The following JADE1 variants were observed in gnomAD, a reference collection of about 807,000 sequenced individuals.
The protein encoded by JADE1 is jade family PHD finger 1.
A neutral mutation model predicts 81.8 loss-of-function variants in JADE1; 14 were observed. That is an observed-to-expected ratio of 0.17 (90% CI 0.11 to 0.27). The LOEUF (loss-of-function observed/expected upper bound fraction) is 0.27. JADE1 is among the 10% of genes least tolerant of loss of function. JADE1 has a pLI of 1.00. For synonymous variants in JADE1, 353 were observed against 391.9 expected, an observed-to-expected ratio of 0.90 and a Z score of 1.17; for missense variants, 690 against 1,047.9, an observed-to-expected ratio of 0.66 and a Z score of 4.71.
chr4:128,851,471 A>G (rs751050123), intron 5 of JADE1, among the ~76,000 whole-genome samples: 1 of 152,218 alleles, frequency 6.6e-6, no homozygotes, highest in East Asian at 1.9e-4. Context: ...TCAACAATGT[A>G]TGTATTTAAT....
chr4:128,846,458 T>A lies in JADE1; in HGVS notation c.222T>A (p.Asp74Glu). 1 of 1,614,176 alleles carries A rather than the reference T, an allele frequency of 6.2e-7. No individual in the cohort carries two copies. The highest frequency in any genetic ancestry group is 8.5e-7 in the Non-Finnish European group (1 of 1,180,030). The change falls in exon 4 of 11, where the codon GAT becomes GAA. Residue 74 changes from aspartate to glutamate, a missense_variant. Asp to Glu is a conservative substitution (Grantham distance 45). Transcript: ENST00000226319. This position sits in a 1 kb window ranked among gnomAD's most constrained non-coding sequence, Gnocchi z 4.0. Reference protein sequence around the residue: ...LNPDEYYVLADPWRQEWEKGV... With the variant: ...LNPDEYYVLAEPWRQEWEKGV... ...CGGATGAGTACTATGTGTTGGCAGA[T>A]CCCTGGAGACAGGAATGGGAGAAAG...
At chr4:128,810,965 T>C (rs2125773263) in intron 1 of JADE1, among the ~76,000 whole-genome samples, 1 of 152,080 alleles carries the variant, frequency 6.6e-6, no homozygotes, top group Admixed American at 6.5e-5. Flanking sequence ...GGGGGTGGGG[T>C]CTCTTGGTCT....
rs1272948941 is a variant in JADE1 at position 128,863,407 on chromosome 4, CAG to C, written c.1503+1183_1503+1184del. The C allele has an allele frequency of 6.1e-6, 6 of 985,496 alleles. No homozygotes were observed. In the Admixed American group the frequency reaches 1.8e-4, roughly 30 times the overall value. The allele number at this position is 985,496 out of a possible 1,614,324, so 61.0% of individuals were successfully genotyped here. On this transcript the variant is annotated intron_variant, in intron 9 of 10. Transcript: ENST00000226319. Reference sequence around the variant, plus strand: ...TGAAAGGTACCCAAGTGGCCTGAAACAGTGTAGGGAAAGACCTGGGAAACACT... The same window carrying C: ...TGAAAGGTACCCAAGTGGCCTGAAACTGTAGGGAAAGACCTGGGAAACACT...
intron 1 of JADE1, among the ~76,000 whole-genome samples, chr4:128,826,536 T>TG (rs1260233949): frequency 6.6e-6 from 1 of 151,408 alleles, no homozygotes; most frequent in African/African-American, 2.4e-5. Context: ...TTTTGTGTTT[T>TG]TTTTTTTTTT....
chr4:128,817,899 A>T (rs140867698), intron 1 of JADE1, among the ~76,000 whole-genome samples: 54 of 152,332 alleles, frequency 3.5e-4, no homozygotes, highest in South Asian at 2.1e-3. Context: ...CATGTATTGT[A>T]GTTAAAATGC....
chr4:128,838,694 C>T (rs1369120824), intron 2 of JADE1, among the ~76,000 whole-genome samples: 3 of 152,102 alleles, frequency 2.0e-5, no homozygotes, highest in Non-Finnish European at 2.9e-5. Context: ...GTCCCACCCC[C>T]AATATTTTCC....
intron 4 of JADE1, among the ~76,000 whole-genome samples, chr4:128,848,272 G>A (rs1372992511): frequency 6.6e-6 from 1 of 152,096 alleles, no homozygotes; most frequent in Non-Finnish European, 1.5e-5. Context: ...TCCGCCTCCT[G>A]GGTTCAAGCA....
intron 1 of JADE1, chr4:128,816,409 A>T (rs964258229): frequency 6.6e-6 from 1 of 152,228 alleles, no homozygotes; most frequent in Non-Finnish European, 1.5e-5. Flanking sequence ...CTCCTAATAA[A>T]TGCAAGAAAA....
chr4:128,864,619 A>G (rs970975017), intron 9 of JADE1: 2 of 984,894 alleles, frequency 2.0e-6, no homozygotes, highest in African/African-American at 1.7e-5. Flanking sequence ...TAAAAAACCA[A>G]TCATTACTAC....
At position 128,826,733 on chromosome 4, in the gene JADE1, A is replaced by G. The variant is rs972920321; in HGVS notation, c.-26-5000A>G. ...ATGTTTATTTCATATTTGACTTGAG[A>G]GAATCTGTTCTCCAGAAATTACTGT... On this transcript the variant is annotated intron_variant, in intron 1 of 10. Transcript: ENST00000226319. Among the ~76,000 whole-genome samples the G allele has an allele frequency of 3.3e-5, 5 of 152,136 alleles. No individual in the cohort carries two copies. The East Asian group carries it at 5.8e-4, about 18-fold the overall frequency.
chr4:128,860,280 C>A (rs1164168309), intron 8 of JADE1, among the ~76,000 whole-genome samples: 7 of 152,054 alleles, frequency 4.6e-5, no homozygotes, highest in African/African-American at 1.7e-4. Flanking sequence ...AGAGAAAATA[C>A]AGATTTATGT....
Position 128,849,300 on chromosome 4 carries a change from C to T in JADE1, c.484+133C>T, listed in dbSNP as rs1167882763. The T allele has an allele frequency of 9.9e-6, 7 of 709,494 alleles. No individual in the cohort carries two copies. The Admixed American group carries it at 1.2e-4, about 12-fold the overall frequency. The allele number at this position is 709,494 out of a possible 1,614,324, so 43.9% of individuals were successfully genotyped here. A position where few individuals can be genotyped will look rare whatever the true frequency, so the allele number is the denominator to read the frequency against. On this transcript the variant is annotated intron_variant, in intron 5 of 10. Transcript: ENST00000226319. Reference sequence around the variant, plus strand: ...CATCATAGCTTTAGTCAGTGAGAATCGCAGCCCTGCCTTAGATCTCAGCCT... The same window carrying T: ...CATCATAGCTTTAGTCAGTGAGAATTGCAGCCCTGCCTTAGATCTCAGCCT...
At chr4:128,867,291 A>G (rs1446542467) in intron 9 of JADE1, among the ~76,000 whole-genome samples, 1 of 152,236 alleles carries the variant, frequency 6.6e-6, no homozygotes, top group Non-Finnish European at 1.5e-5. Flanking sequence ...TGCAGTTGAC[A>G]AAGACATTTA....
intron 8 of JADE1, among the ~76,000 whole-genome samples, chr4:128,861,487 A>G (rs1004864495): frequency 6.6e-6 from 1 of 152,114 alleles, no homozygotes; most frequent in Admixed American, 6.5e-5. Flanking sequence ...CAACATAGGG[A>G]GACCTCATCT....
chr4:128,834,235 G>T (rs1301232520), intron 2 of JADE1, among the ~76,000 whole-genome samples: 2 of 152,214 alleles, frequency 1.3e-5, no homozygotes, highest in Non-Finnish European at 2.9e-5. Flanking sequence ...GAGACTGGAA[G>T]TCCAAGGTAC....
intron 1 of JADE1, among the ~76,000 whole-genome samples, chr4:128,824,794 G>A (rs762474029): frequency 7.2e-5 from 11 of 152,058 alleles, no homozygotes; most frequent in Non-Finnish European, 1.2e-4. Flanking sequence ...AATAAAAATG[G>A]AAACAGTAGA....
rs554788973 is a variant in JADE1 at position 128,862,012 on chromosome 4, C to T, written c.1290C>T (p.Phe430=). The T allele has an allele frequency of 1.8e-5, 29 of 1,614,176 alleles. No individual in the cohort carries two copies. The highest frequency in any genetic ancestry group is 1.8e-4 in the East Asian group (8 of 44,882). Reference sequence around the variant, plus strand: ...AGTTGGAGGATGAGTTCTACACCTTCGTCAACCTGCTGGATGTTGCCAGGG... The same window carrying T: ...AGTTGGAGGATGAGTTCTACACCTTTGTCAACCTGCTGGATGTTGCCAGGG... ...LQQLEDEFYT[F]VNLLDVARAL... is the part of the protein sequence containing the mutation. The change falls in exon 9 of 11, where the codon TTC becomes TTT. Residue 430 remains phenylalanine (F), a synonymous_variant. Transcript: ENST00000226319.
chr4:128,832,176 A>G (rs1194965403), intron 2 of JADE1, among the ~76,000 whole-genome samples: 1 of 152,210 alleles, frequency 6.6e-6, no homozygotes, highest in African/African-American at 2.4e-5. Context: ...GTTCAACTCA[A>G]TACAAGGGGA....
intron 1 of JADE1, among the ~76,000 whole-genome samples, chr4:128,815,120 G>GTAAGCTCCGC (rs1553941520): frequency 8.0e-5 from 9 of 112,496 alleles, no homozygotes; most frequent in African/African-American, 2.0e-4. Context: ...TGCGATCTCG[G>GTAAGCTCCGC]CTCCCTGTAA....
Sources: gnomAD v4.1 joint callset for allele counts (sites outside exome capture counted in the v4.1 genomes callset) on GRCh38, gnomAD v4.1.1 for gene constraint, Gnocchi (gnomAD v3.1) non-coding constraint, MANE v1.5 for transcripts, NCBI Gene and HGNC (gene_info 2026-07-23, HGNC 2026-07-21) for gene names.